Variants in RBFOX1 observed in about 807,000 individuals in gnomAD.
RBFOX1 encodes the protein RNA binding fox-1 homolog 1.
In RBFOX1, 8 loss-of-function variants were observed where a neutral mutation model predicts 57.7. The observed-to-expected ratio is 0.14, with a 90% CI of 0.08 to 0.25. RBFOX1 has a LOEUF of 0.25. Ranked by LOEUF, RBFOX1 falls within the 10% of genes least tolerant of loss-of-function variation. The pLI is 1.00. For missense variants in RBFOX1, 611 were observed against 548.5 expected (o/e 1.11, Z -1.14); for synonymous variants, 326 against 222.4 (o/e 1.47, Z -4.15).
intron 2 of RBFOX1, among the ~76,000 whole-genome samples, chr16:6,646,304 C>G (rs563169727): frequency 6.6e-6 from 1 of 152,214 alleles, no homozygotes; most frequent in African/African-American, 2.4e-5. Context: ...AATGCAGTCC[C>G]CTGGGGCGCC....
chr16:6,646,209 G>C (rs773963665), intron 2 of RBFOX1, among the ~76,000 whole-genome samples: 9 of 152,054 alleles, frequency 5.9e-5, no homozygotes, highest in Non-Finnish European at 1.3e-4. Context: ...CAGAGACACC[G>C]GCTCTAGGCA....
At chr16:7,281,893 C>G (rs1369858871) in intron 4 of RBFOX1, among the ~76,000 whole-genome samples, 2 of 152,082 alleles carry the variant, frequency 1.3e-5, no homozygotes, top group African/African-American at 4.8e-5. Context: ...AAAGGTCTTA[C>G]TCTGTCACCC....
At chr16:7,069,502 C>T (rs997432548) in intron 4 of RBFOX1, among the ~76,000 whole-genome samples, 8 of 152,184 alleles carry the variant, frequency 5.3e-5, no homozygotes, top group Non-Finnish European at 8.8e-5. Context: ...CCAGCTTCAT[C>T]TATGTCCTTG....
intron 3 of RBFOX1, among the ~76,000 whole-genome samples, chr16:6,796,668 T>A (rs1057260648): frequency 6.6e-6 from 1 of 152,322 alleles, no homozygotes; most frequent in Non-Finnish European, 1.5e-5. Flanking sequence ...TTCTTAAATA[T>A]GTACAGATGT....
chr16:7,474,341 T>C (rs12444405), intron 4 of RBFOX1, among the ~76,000 whole-genome samples: 82,963 of 151,986 alleles, frequency 0.55, 22,970 homozygotes, highest in East Asian at 0.76. Flanking sequence ...TCTCAGCTGT[T>C]ATGCTGCTGA....
At chr16:5,908,832 C>A (rs951174292) in intron 4 of RBFOX1, among the ~76,000 whole-genome samples, 3 of 151,876 alleles carry the variant, frequency 2.0e-5, no homozygotes, top group African/African-American at 7.3e-5. Flanking sequence ...AGTGGAGGAA[C>A]CCATGAGGGT....
At chr16:7,002,700 G>A (rs955668134) in intron 3 of RBFOX1, among the ~76,000 whole-genome samples, 1 of 152,132 alleles carries the variant, frequency 6.6e-6, no homozygotes, top group African/African-American at 2.4e-5. Flanking sequence ...GATAGAGTGA[G>A]GGTCCAACTC....
At chr16:5,799,056 G>GA (rs1335126014) in intron 3 of RBFOX1, among the ~76,000 whole-genome samples, 1 of 152,096 alleles carries the variant, frequency 6.6e-6, no homozygotes, top group Non-Finnish European at 1.5e-5. Context: ...AATTTGTAAA[G>GA]AAAAAGAGTT....
chr16:6,139,835 C>G (rs1010656047), intron 1 of RBFOX1, among the ~76,000 whole-genome samples: 1 of 151,656 alleles, frequency 6.6e-6, no homozygotes, highest in Admixed American at 6.6e-5. Context: ...GTCAGTGATT[C>G]TCCCTTCTCA....
chr16:6,055,556 G>GCAC (rs1210929688), intron 1 of RBFOX1, among the ~76,000 whole-genome samples: 1 of 129,576 alleles, frequency 7.7e-6, no homozygotes, highest in Non-Finnish European at 1.5e-5. Flanking sequence ...TCGCACCACT[G>GCAC]CACTCCAGCT....
chr16:7,406,341 G>C (rs919991502), intron 4 of RBFOX1, among the ~76,000 whole-genome samples: 3 of 152,164 alleles, frequency 2.0e-5, no homozygotes, highest in Non-Finnish European at 2.9e-5. Flanking sequence ...ACTGCACTGC[G>C]TTATAGAAGA....
At chr16:5,557,832 C>A (rs2045737224) in intron 2 of RBFOX1, among the ~76,000 whole-genome samples, 1 of 152,204 alleles carries the variant, frequency 6.6e-6, no homozygotes, top group African/African-American at 2.4e-5. Flanking sequence ...GCCTTTTGGC[C>A]TGCCATGCCC....
intron 14 of RBFOX1, among the ~76,000 whole-genome samples, chr16:7,683,662 G>T (rs59304935): frequency 0.022 from 3,386 of 152,030 alleles, 58 homozygotes; most frequent in African/African-American, 0.043. Flanking sequence ...TTTTTAGGTC[G>T]CAGATCATTG....
intron 3 of RBFOX1, among the ~76,000 whole-genome samples, chr16:7,036,779 A>G (rs2044587661): frequency 6.6e-6 from 1 of 152,106 alleles, no homozygotes; most frequent in South Asian, 2.1e-4. Flanking sequence ...GAGTAAAGTG[A>G]AAGCAAGTTT....
At chr16:7,559,583 C>T (rs1220013402) in intron 5 of RBFOX1, among the ~76,000 whole-genome samples, 1 of 152,152 alleles carries the variant, frequency 6.6e-6, no homozygotes, top group Non-Finnish European at 1.5e-5. Flanking sequence ...CCCTGATACA[C>T]GAGACACCCA....
At chr16:7,219,613 G>A (rs745814403) in intron 4 of RBFOX1, among the ~76,000 whole-genome samples, 5 of 152,262 alleles carry the variant, frequency 3.3e-5, no homozygotes, top group East Asian at 1.9e-4. Flanking sequence ...CAAGCGTGGC[G>A]GATTTTTCAC....
intron 1 of RBFOX1, among the ~76,000 whole-genome samples, chr16:5,374,544 G>A (rs1375381255): frequency 6.6e-6 from 1 of 152,152 alleles, no homozygotes; most frequent in Non-Finnish European, 1.5e-5. Context: ...GGAGTGGGAA[G>A]GGGAGAGTGG....
intron 2 of RBFOX1, among the ~76,000 whole-genome samples, chr16:5,576,567 C>G (rs2046463678): frequency 1.3e-5 from 2 of 152,206 alleles, no homozygotes; most frequent in African/African-American, 2.4e-5. Flanking sequence ...CTGCCCCTTT[C>G]CCCCGTAGAC....
chr16:7,540,323 A>C (rs1022456712), intron 5 of RBFOX1, among the ~76,000 whole-genome samples: 1 of 152,168 alleles, frequency 6.6e-6, no homozygotes, highest in Non-Finnish European at 1.5e-5. Flanking sequence ...AAATAATGCA[A>C]TATGGCACCA....
Sources: allele counts gnomAD v4.1 joint callset (sites outside exome capture counted in the v4.1 genomes callset), GRCh38; gene constraint gnomAD v4.1.1; transcripts MANE v1.5; gene names NCBI Gene and HGNC (gene_info 2026-07-23, HGNC 2026-07-21).